Variants in LRBA observed in about 807,000 individuals in gnomAD.
LRBA encodes the protein lipopolysaccharide-responsive and beige-like anchor protein.
Under a neutral mutation model 330.0 loss-of-function variants are expected in LRBA, and 176 were observed. That is an observed-to-expected ratio of 0.53 (90% CI 0.47 to 0.60). The LOEUF (loss-of-function observed/expected upper bound fraction) is 0.60. LRBA is among the 20% of genes least tolerant of loss of function. The pLI, the probability that LRBA is intolerant of heterozygous loss-of-function variation, is 0.00. For missense variants in LRBA, 3,259 were observed against 3,444.8 expected (o/e 0.95, Z 1.35); for synonymous variants, 1,230 against 1,193.0 (o/e 1.03, Z -0.64).
chr4:150,625,231 C>A (rs763224781), intron 37 of LRBA, among the ~76,000 whole-genome samples: 15 of 152,062 alleles, frequency 9.9e-5, no homozygotes, highest in Non-Finnish European at 1.9e-4. Flanking sequence ...GCCACTTGAT[C>A]CCCCACAATC....
At chr4:150,294,806 T>C (rs749389324) in intron 53 of LRBA, among the ~76,000 whole-genome samples, 5 of 152,154 alleles carry the variant, frequency 3.3e-5, no homozygotes, top group Non-Finnish European at 7.4e-5. Context: ...AAAAAAATTA[T>C]CTGGGCGCGC....
chr4:150,796,013 A>T lies in LRBA; in HGVS notation c.5580+2068T>A, dbSNP rs190770658. Among the ~76,000 whole-genome samples the T allele has an allele frequency of 4.5e-3, 686 of 152,078 alleles. 4 individuals are homozygous for T. Among genetic ancestry groups the T allele is most frequent in the African/African-American group, 0.016 (663 of 41,558 alleles). On this transcript the variant is annotated intron_variant, in intron 34 of 56. Transcript: ENST00000651943. ...AGTTCATAAGCATATCCCATTATTT[A>T]CGTGATTAAAAAGTAGTTTTTGACC...
chr4:150,300,678 T>TA (rs1239616206), intron 53 of LRBA, among the ~76,000 whole-genome samples: 2 of 152,046 alleles, frequency 1.3e-5, no homozygotes, highest in Non-Finnish European at 2.9e-5. Context: ...GCCATGCATG[T>TA]AAAAACAATC....
At chr4:150,914,473 AAAACC>A (rs1732356671) in intron 8 of LRBA, 132 bp from the exon 9 acceptor site, 3 of 554,662 alleles carry the variant, frequency 5.4e-6, no homozygotes, top group Non-Finnish European at 8.7e-6. Flanking sequence ...TTTATACCAT[AAAACC>A]ATTAGAAAGA....
rs34172708 is a variant in LRBA, at chr4:150,908,767, C to A, written c.1252G>T (p.Ala418Ser). The change falls in exon 10 of 57, where the codon GCA becomes TCA. Residue 418 changes from alanine (A) to serine (S), a missense_variant. Ala to Ser is a moderately conservative substitution (Grantham distance 99, BLOSUM62 1). Transcript: ENST00000651943. Reference sequence around the variant, plus strand: ...GTAGCCCGTGGATTGTACGTGAATGCAATGGCACTAGAGAGTTTCCCATCG... The same window carrying A: ...GTAGCCCGTGGATTGTACGTGAATGAAATGGCACTAGAGAGTTTCCCATCG... ...LYDGKLSSAI[A>S]FTYNPRATDA... 1 of 1,613,576 alleles carries A rather than the reference C, an allele frequency of 6.2e-7. No homozygotes were observed. The highest frequency in any genetic ancestry group is 1.1e-5 in the South Asian group (1 of 91,066).
At chr4:150,687,760 T>C (rs1021716783) in intron 36 of LRBA, among the ~76,000 whole-genome samples, 1 of 152,076 alleles carries the variant, frequency 6.6e-6, no homozygotes, top group Non-Finnish European at 1.5e-5. Context: ...ATGTCATAGC[T>C]CTACCTAATT....
At chr4:150,723,741 G>A (rs1436491133) in intron 36 of LRBA, among the ~76,000 whole-genome samples, 1 of 152,226 alleles carries the variant, frequency 6.6e-6, no homozygotes, top group Non-Finnish European at 1.5e-5. Flanking sequence ...TGGGGGTAGA[G>A]CAATAAGCTG....
chr4:150,522,651 G>A (rs958361954), intron 40 of LRBA, among the ~76,000 whole-genome samples: 21 of 152,206 alleles, frequency 1.4e-4, no homozygotes, highest in Admixed American at 1.0e-3. Context: ...TTCCAGTACA[G>A]TGCTCTTTGG....
rs746082628 is a variant in LRBA at position 150,928,936 on chromosome 4, C to CT, written c.345dup (p.Ala116SerfsTer15). On this transcript the variant is annotated frameshift_variant, in exon 3 of 57. Coordinates refer to ENST00000651943, the MANE Select transcript of LRBA (RefSeq NM_001364905.1). LOFTEE classifies it high-confidence loss of function. ...TTCCGTATGCTTTTCTTCAGAATGG[C>CT]TGTAAACATGCTCCAGACTTCTGCT... is the stretch of plus-strand genomic sequence containing the variant. 6.2e-7 allele frequency: 1 copy of CT among 1,613,894 alleles called. No individual in the cohort carries two copies. Among genetic ancestry groups the CT allele is most frequent in the Non-Finnish European group, 8.5e-7 (1 of 1,179,990 alleles).
At chr4:150,501,606 A>T (rs1760280848) in intron 40 of LRBA, among the ~76,000 whole-genome samples, 1 of 150,824 alleles carries the variant, frequency 6.6e-6, no homozygotes, top group African/African-American at 2.4e-5. Context: ...CCCCATCTCA[A>T]AAAAAAAAGG....
At chr4:150,398,337 C>T (rs1745024599) in intron 47 of LRBA, among the ~76,000 whole-genome samples, 1 of 152,074 alleles carries the variant, frequency 6.6e-6, no homozygotes, top group Non-Finnish European at 1.5e-5. Flanking sequence ...AGCCAATTGA[C>T]AGAGGTAGAT....
At chr4:150,981,749 A>C (rs1179812938) in intron 2 of LRBA, among the ~76,000 whole-genome samples, 1 of 152,116 alleles carries the variant, frequency 6.6e-6, no homozygotes, top group Non-Finnish European at 1.5e-5. Context: ...TCACGAGGTC[A>C]GGAGATCAAG....
At chr4:150,979,215 G>A (rs1244757623) in intron 2 of LRBA, among the ~76,000 whole-genome samples, 1 of 152,174 alleles carries the variant, frequency 6.6e-6, no homozygotes. Flanking sequence ...AAACCTTAAA[G>A]CCACATGAGA....
intron 47 of LRBA, among the ~76,000 whole-genome samples, chr4:150,378,720 A>C (rs1741731609): frequency 6.6e-6 from 1 of 152,236 alleles, no homozygotes; most frequent in South Asian, 2.1e-4. Flanking sequence ...TAAGTTAAAC[A>C]TACAGGTAAT....
chr4:150,472,141 CATT>C (rs1756208372), intron 42 of LRBA, among the ~76,000 whole-genome samples: 1 of 152,000 alleles, frequency 6.6e-6, no homozygotes, highest in Non-Finnish European at 1.5e-5. Flanking sequence ...CACATTTTTA[CATT>C]ATAAATTTAA....
chr4:151,007,334 T>C (rs1056104925), intron 2 of LRBA, among the ~76,000 whole-genome samples: 2 of 151,540 alleles, frequency 1.3e-5, no homozygotes, highest in African/African-American at 4.9e-5. Flanking sequence ...ACCCTGTCTC[T>C]ACTAAAAAAT....
chr4:150,364,845 T>C (rs1318808335), intron 47 of LRBA, among the ~76,000 whole-genome samples: 2 of 152,114 alleles, frequency 1.3e-5, no homozygotes, highest in East Asian at 1.9e-4. Context: ...CCAATAAATA[T>C]TTATTGAGCT....
At chr4:150,662,935 T>G (rs903772567) in intron 37 of LRBA, among the ~76,000 whole-genome samples, 2 of 152,060 alleles carry the variant, frequency 1.3e-5, no homozygotes, top group Admixed American at 1.3e-4. Flanking sequence ...CCAACCTGGG[T>G]GAGAGAGTGA....
chr4:150,458,480 A>G (rs1754361104), intron 44 of LRBA, among the ~76,000 whole-genome samples: 1 of 151,868 alleles, frequency 6.6e-6, no homozygotes, highest in Non-Finnish European at 1.5e-5. Flanking sequence ...AAATAGCTAC[A>G]CAGTTTGCTA....
Sources: allele counts gnomAD v4.1 joint callset (sites outside exome capture counted in the v4.1 genomes callset), GRCh38; gene constraint gnomAD v4.1.1; transcripts MANE v1.5; gene names NCBI Gene and HGNC (gene_info 2026-07-23, HGNC 2026-07-21).